Variants in LRRC4C observed in about 807,000 individuals in gnomAD.
LRRC4C encodes the protein leucine rich repeat containing 4C.
In LRRC4C, 5 loss-of-function variants were observed where a neutral mutation model predicts 33.6. The observed-to-expected ratio is 0.15, with a 90% CI of 0.08 to 0.31. The LOEUF is 0.31. LRRC4C is among the 10% of genes least tolerant of loss of function. LRRC4C has a pLI of 1.00. For missense variants in LRRC4C, 560 were observed against 796.7 expected (o/e 0.70, Z 3.58); for synonymous variants, 329 against 302.0 (o/e 1.09, Z -0.93).
rs565758146 is a variant in LRRC4C, at chr11:41,092,735, T to G, written c.-495-159012A>C. Among the ~76,000 whole-genome samples the G allele has an allele frequency of 2.6e-5, 4 of 152,372 alleles. No homozygotes were observed. In the South Asian group the frequency reaches 8.3e-4, roughly 32 times the overall value. On this transcript the variant is annotated intron_variant, in intron 1 of 6. Coordinates refer to ENST00000528697, the MANE Select transcript of LRRC4C (RefSeq NM_001258419.2). ...ATAACTCAGACAGACAATATCCTGC[T>G]TTTAGTCTAACTACAACATTAATAA...
chr11:40,784,239 C>T lies in LRRC4C; in HGVS notation c.-406-135961G>A, dbSNP rs1355938673. On this transcript the variant is annotated intron_variant, in intron 2 of 6. Transcript: ENST00000528697. ...ATCACCTTCAAATTTCATCTAAATC[C>T]TCTGAGCAATTGGCAAGCAGTCACT... Among the ~76,000 whole-genome samples the T allele has an allele frequency of 2.0e-5, 3 of 152,146 alleles. 1 individual carries two copies. Among genetic ancestry groups the T allele is most frequent in the Non-Finnish European group, 4.4e-5 (3 of 68,026 alleles).
intron 3 of LRRC4C, among the ~76,000 whole-genome samples, chr11:40,362,770 C>T (rs1280884793): frequency 2.6e-5 from 4 of 152,128 alleles, no homozygotes; most frequent in African/African-American, 9.7e-5. Context: ...CGAACAGACG[C>T]TTCTCAAAAG....
rs375724645 is a variant in LRRC4C at position 41,442,670 on chromosome 11, T to C, written c.-496+16761A>G. Among the ~76,000 whole-genome samples, 736 of 151,726 alleles carry C rather than the reference T, an allele frequency of 4.9e-3. 6 individuals carry two copies. The highest frequency in any genetic ancestry group is 0.016 in the African/African-American group (662 of 41,448). On this transcript the variant is annotated intron_variant, in intron 1 of 6. Coordinates refer to ENST00000528697, the MANE Select transcript of LRRC4C (RefSeq NM_001258419.2). ...ATTTTTAGTAGAGACGGGGTTTCAC[T>C]GTGTTAGCCAGGATGGTCTCGATCT...
At chr11:41,454,699 G>T (rs1358597384) in intron 1 of LRRC4C, among the ~76,000 whole-genome samples, 1 of 152,038 alleles carries the variant, frequency 6.6e-6, no homozygotes, top group East Asian at 1.9e-4. Context: ...TCCAGAAAAG[G>T]GTCTGATGAA....
intron 3 of LRRC4C, among the ~76,000 whole-genome samples, chr11:40,588,260 G>A (rs1168464063): frequency 1.3e-5 from 2 of 151,088 alleles, no homozygotes; most frequent in African/African-American, 2.4e-5. Flanking sequence ...TAGTTTATTT[G>A]CGTAGAGGTG....
chr11:40,121,998 C>T (rs1048269213), intron 6 of LRRC4C, among the ~76,000 whole-genome samples: 1 of 152,130 alleles, frequency 6.6e-6, no homozygotes, highest in Non-Finnish European at 1.5e-5. Flanking sequence ...TGTCTTAGCA[C>T]CTCTTTCCTC....
intron 2 of LRRC4C, among the ~76,000 whole-genome samples, chr11:40,711,297 T>C (rs138544395): frequency 1.3e-5 from 2 of 152,278 alleles, no homozygotes; most frequent in African/African-American, 4.8e-5. Context: ...GAGCTGCAGA[T>C]GGGAGCTGTT....
chr11:41,041,902 C>T (rs2137986610), intron 1 of LRRC4C, among the ~76,000 whole-genome samples: 1 of 152,284 alleles, frequency 6.6e-6, no homozygotes, highest in East Asian at 1.9e-4. Context: ...TATATGTACA[C>T]TTTTGAAAAT....
rs1282816907 is a variant in LRRC4C at position 40,920,151 on chromosome 11, G to A, written c.-407+13484C>T. 2.0e-5 allele frequency among the ~76,000 whole-genome samples: 3 copies of A among 152,072 alleles called. No individual in the cohort carries two copies. The East Asian group carries it at 5.8e-4, about 29-fold the overall frequency. On this transcript the variant is annotated intron_variant, in intron 2 of 6. Transcript: ENST00000528697. ...AGGATCATAAAAGCAAGGATTCATT[G>A]AGAACACTTCAAGTCCCAAAAATAC...
intron 2 of LRRC4C, among the ~76,000 whole-genome samples, chr11:40,709,919 T>A (rs1314101777): frequency 6.6e-6 from 1 of 152,194 alleles, no homozygotes; most frequent in Non-Finnish European, 1.5e-5. Flanking sequence ...ACTTCTTTTC[T>A]CACTTCATTT....
chr11:40,277,100 T>A (rs1943163816), intron 4 of LRRC4C, among the ~76,000 whole-genome samples: 1 of 152,056 alleles, frequency 6.6e-6, no homozygotes, highest in African/African-American at 2.4e-5. Context: ...TGGATACCAA[T>A]GAGACAGGAA....
chr11:40,705,999 G>A (rs1037988077), intron 2 of LRRC4C, among the ~76,000 whole-genome samples: 2 of 152,114 alleles, frequency 1.3e-5, no homozygotes, highest in African/African-American at 4.8e-5. Context: ...CTGCATAAAT[G>A]TCTTATTTTG....
chr11:40,746,219 A>G (rs1948410659), intron 2 of LRRC4C, among the ~76,000 whole-genome samples: 1 of 152,052 alleles, frequency 6.6e-6, no homozygotes, highest in Admixed American at 6.6e-5. Context: ...AGGCCCTAAA[A>G]CTAACACTAG....
intron 2 of LRRC4C, among the ~76,000 whole-genome samples, chr11:40,653,496 A>G (rs1373610427): frequency 1.3e-5 from 2 of 152,122 alleles, no homozygotes; most frequent in African/African-American, 4.8e-5. Context: ...CTTGAGAGAG[A>G]TGATTTAGGG....
intron 2 of LRRC4C, among the ~76,000 whole-genome samples, chr11:40,787,263 G>GC (rs939969123): frequency 1.3e-5 from 2 of 151,932 alleles, no homozygotes; most frequent in African/African-American, 4.8e-5. Context: ...TTGCCAACTG[G>GC]GGGGGGTAGG....
chr11:41,312,547 T>C (rs1269690546), intron 1 of LRRC4C, among the ~76,000 whole-genome samples: 1 of 152,178 alleles, frequency 6.6e-6, no homozygotes, highest in Non-Finnish European at 1.5e-5. Flanking sequence ...TCATATGAAT[T>C]GATGAGATTA....
At chr11:40,398,486 A>G (rs991291871) in intron 3 of LRRC4C, among the ~76,000 whole-genome samples, 2 of 152,200 alleles carry the variant, frequency 1.3e-5, no homozygotes, top group East Asian at 3.9e-4. Flanking sequence ...TTTAATGTAA[A>G]TGTTCAACAG....
intron 1 of LRRC4C, among the ~76,000 whole-genome samples, chr11:41,212,584 A>C (rs1399733961): frequency 2.0e-5 from 3 of 151,158 alleles, no homozygotes; most frequent in Non-Finnish European, 4.4e-5. Context: ...CCTTCTTCCC[A>C]CCCCTCCCCT....
intron 2 of LRRC4C, among the ~76,000 whole-genome samples, chr11:40,764,624 G>C (rs979809227): frequency 2.0e-5 from 3 of 152,090 alleles, no homozygotes; most frequent in Admixed American, 1.3e-4. Context: ...AAACACTGGT[G>C]GTAGCTAGGC....
Sources: allele counts gnomAD v4.1 joint callset (sites outside exome capture counted in the v4.1 genomes callset), GRCh38; gene constraint gnomAD v4.1.1; transcripts MANE v1.5; gene names NCBI Gene and HGNC (gene_info 2026-07-23, HGNC 2026-07-21).